The following BTN2A1 variants were observed in gnomAD, a reference collection of about 807,000 sequenced individuals.
BTN2A1 encodes the protein butyrophilin subfamily 2 member A1.
BTN2A1 carries 41 observed loss-of-function variants against 34.5 expected under a neutral mutation model. The ratio of observed to expected loss-of-function variants is 1.19; its 90% CI spans 0.93 to 1.54. The LOEUF is 1.54. Among genes scored for constraint, BTN2A1 ranks in the 40% most tolerant of loss-of-function variants. The pLI, the probability that BTN2A1 is intolerant of heterozygous loss-of-function variation, is 0.00. For synonymous variants in BTN2A1, 267 were observed against 258.6 expected (o/e 1.03, Z -0.31); for missense variants, 642 against 662.0 (o/e 0.97, Z 0.33).
rs550431337 is a variant in BTN2A1 at position 26,466,063 on chromosome 6, A to T, written c.957A>T (p.Arg319=). The change falls in exon 7 of 8, where the codon CGA becomes CGT. Residue 319 remains arginine, a splice_region_variant and synonymous_variant. Coordinates refer to ENST00000312541, the MANE Select transcript of BTN2A1 (RefSeq NM_007049.5). ...TTCGTCTCTGTCTGTCCCTTGCAGG[A>T]TGGAGAAGAACATTCTTACATGCTG... The part of the protein sequence containing the change: ...QVKEKLQEEL[R]WRRTFLHAVD... The T allele has an allele frequency of 6.2e-7, 1 of 1,614,108 alleles. No homozygotes were observed. Among genetic ancestry groups the T allele is most frequent in the East Asian group, 2.2e-5 (1 of 44,880 alleles).
chr6:26,459,463 T>C lies in BTN2A1; in HGVS notation c.83-18T>C. The C allele has an allele frequency of 6.2e-7, 1 of 1,610,268 alleles. No homozygotes were observed. The highest frequency in any genetic ancestry group is 8.5e-7 in the Non-Finnish European group (1 of 1,176,844). On this transcript the variant is annotated intron_variant, in intron 2 of 7. Transcript: ENST00000312541. ...GATGGCTGGTGTCTTTGTCTGACTC[T>C]ACCCCTTTGTTGAACAGCCCAGTTT...
intron 3 of BTN2A1, among the ~76,000 whole-genome samples, chr6:26,462,089 C>T (rs1204030235): frequency 2.0e-5 from 3 of 151,980 alleles, no homozygotes; most frequent in African/African-American, 4.8e-5. Context: ...AATTTCCTGT[C>T]TTTGGTAAAA....
In BTN2A1 at chr6:26,469,203, G is replaced by C. The variant is rs1763406050; in HGVS notation, c.*654G>C. The C allele has an allele frequency of 9.6e-7, 1 of 1,037,858 alleles. No individual in the cohort carries two copies. The highest frequency in any genetic ancestry group is 3.6e-5 in the South Asian group (1 of 27,996). The allele number at this position is 1,037,858 out of a possible 1,614,324, so 64.3% of individuals were successfully genotyped here. A position where few individuals can be genotyped will look rare whatever the true frequency, so the allele number is the denominator to read the frequency against. ...CATGGATGCACGTGGATGTAGTTTGGCTCAGGTGTCCCTGCAGTTGGCAAG... is the reference window on the plus strand; with the variant it reads ...CATGGATGCACGTGGATGTAGTTTGCCTCAGGTGTCCCTGCAGTTGGCAAG... On this transcript the variant is annotated 3_prime_UTR_variant, in exon 8 of 8. Coordinates refer to ENST00000312541, the MANE Select transcript of BTN2A1 (RefSeq NM_007049.5).
At chr6:26,462,093 G>A (rs1264833819) in intron 3 of BTN2A1, among the ~76,000 whole-genome samples, 2 of 151,900 alleles carry the variant, frequency 1.3e-5, no homozygotes, top group Non-Finnish European at 2.9e-5. Context: ...TCCTGTCTTT[G>A]GTAAAATTCT....
chr6:26,467,183 A>C (rs571724333), intron 7 of BTN2A1, among the ~76,000 whole-genome samples: 1 of 152,352 alleles, frequency 6.6e-6, no homozygotes, highest in African/African-American at 2.4e-5. Context: ...GTGTGAAGGG[A>C]AAGACTCACC....
At chr6:26,459,939 T>TGTCCACAGGGAGA in intron 3 of BTN2A1, 111 bp downstream of exon 3, 2 of 230,220 alleles carry the variant, frequency 8.7e-6, no homozygotes, top group Non-Finnish European at 1.5e-5. Flanking sequence ...TGGACTCCCT[T>TGTCCACAGGGAGA]TTCCACTCTC....
intron 4 of BTN2A1, among the ~76,000 whole-genome samples, chr6:26,464,304 AAC>A: frequency 6.6e-6 from 1 of 152,178 alleles, no homozygotes; most frequent in Non-Finnish European, 1.5e-5. Flanking sequence ...GTATGTTCAA[AAC>A]ACTGTTCTAC....
intron 2 of BTN2A1, among the ~76,000 whole-genome samples, chr6:26,459,270 G>A (rs1022158275): frequency 1.1e-4 from 16 of 152,154 alleles, no homozygotes; most frequent in Non-Finnish European, 5.9e-5. Flanking sequence ...GTTCCTCAGG[G>A]TTTCCTTCAT....
At chr6:26,459,016 C>T (rs6912934) in intron 2 of BTN2A1, among the ~76,000 whole-genome samples, 133,472 of 152,242 alleles carry the variant, frequency 0.88, 58,688 homozygotes, top group African/African-American at 0.95. Flanking sequence ...TAATCAAATA[C>T]GAATATTTAA....
intron 7 of BTN2A1, 72 bp from the exon 8 acceptor site, chr6:26,467,876 C>T: frequency 2.5e-6 from 4 of 1,570,760 alleles, no homozygotes; most frequent in Non-Finnish European, 3.4e-6. Context: ...TGAGACCTCT[C>T]TGGGGATCAG....
rs1168995414 is a variant in BTN2A1 at position 26,468,906 on chromosome 6, A to G, written c.*357A>G. 3.0e-6 allele frequency: 4 copies of G among 1,317,214 alleles called. No individual in the cohort carries two copies. The highest frequency in any genetic ancestry group is 4.1e-5 in the East Asian group (1 of 24,434). The allele number at this position is 1,317,214 out of a possible 1,614,324, so 81.6% of individuals were successfully genotyped here. A position where few individuals can be genotyped will look rare whatever the true frequency, so the allele number is the denominator to read the frequency against. The stretch of plus-strand genomic sequence containing the variant: ...AGTATTCCAGTTGGCACCAGAAGAT[A>G]TGGACTTGGAATGAGGCCTACAGGG... On this transcript the variant is annotated 3_prime_UTR_variant, in exon 8 of 8. Transcript: ENST00000312541.
At chr6:26,466,781 C>T (rs1201689239) in intron 7 of BTN2A1, among the ~76,000 whole-genome samples, 2 of 152,206 alleles carry the variant, frequency 1.3e-5, no homozygotes, top group East Asian at 3.8e-4. Flanking sequence ...TTGCCACTGT[C>T]AACTTGGGAC....
chr6:26,467,698 T>C, intron 7 of BTN2A1: 1 of 1,581,258 alleles, frequency 6.3e-7, no homozygotes, highest in Non-Finnish European at 8.6e-7. Context: ...CTTCATTTGC[T>C]AAACTTTCCG....
Position 26,465,977 on chromosome 6 carries a change from A to T in BTN2A1, c.955+4A>T, listed in dbSNP as rs184168754. On this transcript the variant is annotated splice_donor_region_variant and intron_variant, in intron 6 of 7. Transcript: ENST00000312541. ...GAGAAACTTCAAGAAGAATTGCGTA[A>T]GTTTAGCCTTTCCTTAACTACATGT... is the stretch of plus-strand genomic sequence containing the variant. 359 of 1,614,230 alleles carry T rather than the reference A, an allele frequency of 2.2e-4. 3 individuals are homozygous for T. In the Admixed American group the frequency reaches 5.8e-3, roughly 26 times the overall value.
downstream of BTN2A1, among the ~76,000 whole-genome samples, chr6:26,473,755 C>T (rs7773913): frequency 0.13 from 19,850 of 152,194 alleles, 3,462 homozygotes; most frequent in African/African-American, 0.4. Flanking sequence ...TGAAGAAACA[C>T]TGATTGTACA....
chr6:26,468,269 C>A lies in BTN2A1; in HGVS notation c.1304C>A (p.Ser435Tyr). The change falls in exon 8 of 8, where the codon TCC becomes TAC. Residue 435 changes from serine to tyrosine, a missense_variant. Coordinates refer to ENST00000312541, the MANE Select transcript of BTN2A1 (RefSeq NM_007049.5). ...CATAAAGGGCAATACCGGGCCGTGT[C>A]CTCCCCTGATAGGATTCTCCCTTTG... ...EMHKGQYRAV[S>Y]SPDRILPLKE... 15 of 1,614,196 alleles carry A rather than the reference C, an allele frequency of 9.3e-6. No homozygotes were observed. The highest frequency in any genetic ancestry group is 1.3e-5 in the Non-Finnish European group (15 of 1,180,036).
chr6:26,464,519 T>C (rs1763256358), intron 4 of BTN2A1, among the ~76,000 whole-genome samples: 2 of 152,082 alleles, frequency 1.3e-5, no homozygotes, highest in African/African-American at 4.8e-5. Context: ...AATTGAGCCA[T>C]CCCATCTGAT....
chr6:26,461,636 A>G (rs1763166674), intron 3 of BTN2A1, among the ~76,000 whole-genome samples: 1 of 152,210 alleles, frequency 6.6e-6, no homozygotes, highest in Non-Finnish European at 1.5e-5. Flanking sequence ...TACAAAAAGT[A>G]TCCAGGCATG....
rs750189529 is a variant in BTN2A1, at chr6:26,463,254, T to C, written c.441T>C (p.Ser147=). Reference sequence around the variant, plus strand: ...GATATCTCTCCACAGGACTAGGCTCTAAGCCCCTCATTTCAATGAGGGGCC... The same window carrying C: ...GATATCTCTCCACAGGACTAGGCTCCAAGCCCCTCATTTCAATGAGGGGCC... ...ILHLVVAGLG[S]KPLISMRGHE... is the part of the protein sequence containing the mutation. The change falls in exon 4 of 8, where the codon TCT becomes TCC. Residue 147 remains serine (S), a synonymous_variant. Transcript: ENST00000312541. The C allele has an allele frequency of 8.1e-6, 13 of 1,604,892 alleles. No individual in the cohort carries two copies. Among genetic ancestry groups the C allele is most frequent in the South Asian group, 4.4e-5 (4 of 90,346 alleles).
Sources: gnomAD v4.1 joint callset for allele counts (sites outside exome capture counted in the v4.1 genomes callset) on GRCh38, gnomAD v4.1.1 for gene constraint, MANE v1.5 for transcripts, NCBI Gene and HGNC (gene_info 2026-07-23, HGNC 2026-07-21) for gene names.